The following ADCY2 variants were observed in gnomAD, a reference collection of about 807,000 sequenced individuals.
The protein encoded by ADCY2 is adenylate cyclase type 2.
A neutral mutation model predicts 125.2 loss-of-function variants in ADCY2; 31 were observed. The ratio of observed to expected loss-of-function variants is 0.25; its 90% CI spans 0.19 to 0.33. ADCY2 has a LOEUF of 0.33. Among genes scored for constraint, ADCY2 ranks in the 10% least tolerant of loss-of-function variants. ADCY2 has a pLI of 1.00. For missense variants in ADCY2, 904 were observed against 1,418.2 expected (o/e 0.64, Z 5.82); for synonymous variants, 512 against 548.4 (o/e 0.93, Z 0.93).
intron 3 of ADCY2, among the ~76,000 whole-genome samples, chr5:7,619,488 T>G (rs1737880561): frequency 6.6e-6 from 1 of 152,206 alleles, no homozygotes; most frequent in African/African-American, 2.4e-5. Context: ...CATAAAGGAC[T>G]AAAAAATCTC....
intron 17 of ADCY2, among the ~76,000 whole-genome samples, chr5:7,771,319 G>C (rs1743551645): frequency 6.6e-6 from 1 of 152,136 alleles, no homozygotes; most frequent in Non-Finnish European, 1.5e-5. Context: ...TCGTGGGAAG[G>C]CATGAGAGGC....
chr5:7,433,402 A>C (rs1740677902), intron 2 of ADCY2, among the ~76,000 whole-genome samples: 1 of 152,146 alleles, frequency 6.6e-6, no homozygotes, highest in Admixed American at 6.5e-5. Context: ...ACTTAAAAAA[A>C]CCATACATGG....
At position 7,812,455 on chromosome 5, in the gene ADCY2, T is replaced by C. The variant is rs1579466355; in HGVS notation, c.2884-4411T>C. Among the ~76,000 whole-genome samples, 2 of 152,274 alleles carry C rather than the reference T, an allele frequency of 1.3e-5. 1 individual carries two copies. Among genetic ancestry groups the C allele is most frequent in the Non-Finnish European group, 2.9e-5 (2 of 68,014 alleles). On this transcript the variant is annotated intron_variant, in intron 22 of 24. Transcript: ENST00000338316. ...GAGGGAAAAGTACCACACTTAGCCA[T>C]AAAACAATACTAGTATCTTCCTCCT...
intron 2 of ADCY2, among the ~76,000 whole-genome samples, chr5:7,451,858 C>T (rs929139687): frequency 6.6e-6 from 1 of 151,980 alleles, no homozygotes; most frequent in Non-Finnish European, 1.5e-5. Context: ...GATTTTAATG[C>T]ACCCATCACA....
intron 3 of ADCY2, among the ~76,000 whole-genome samples, chr5:7,608,308 G>A (rs1579231384): frequency 1.3e-5 from 2 of 152,184 alleles, no homozygotes; most frequent in Admixed American, 1.3e-4. Context: ...CAGGCTGGGT[G>A]TGGTGGCTCA....
At chr5:7,672,102 G>A (rs548646069) in intron 4 of ADCY2, among the ~76,000 whole-genome samples, 1 of 152,288 alleles carries the variant, frequency 6.6e-6, no homozygotes, top group South Asian at 2.1e-4. Flanking sequence ...GACACAAGGA[G>A]GTGGTGGGGT....
chr5:7,655,371 A>T (rs952975226), intron 4 of ADCY2, among the ~76,000 whole-genome samples: 1 of 152,178 alleles, frequency 6.6e-6, no homozygotes, highest in Admixed American at 6.5e-5. Context: ...AAGTGCCAAG[A>T]CCTGCCTTCT....
chr5:7,700,683 A>G lies in ADCY2; in HGVS notation c.1109+2309A>G, dbSNP rs1362478881. ...TGACTTCCCCAGCATGGTCCTGGGA[A>G]GATTAATGCCCCCACCCCCCACCCC... On this transcript the variant is annotated intron_variant, in intron 7 of 24. Transcript: ENST00000338316. 3.7e-5 allele frequency among the ~76,000 whole-genome samples: 5 copies of G among 134,712 alleles called. No individual in the cohort carries two copies. The East Asian group carries it at 1.2e-3, about 33-fold the overall frequency. 88.4% of individuals were successfully genotyped at this position (134,712 alleles called of 152,430 possible).
intron 3 of ADCY2, among the ~76,000 whole-genome samples, chr5:7,531,102 C>T (rs942505205): frequency 6.6e-5 from 10 of 152,130 alleles, no homozygotes; most frequent in Admixed American, 1.3e-4. Flanking sequence ...GGAATAGCAG[C>T]CTTTGAAAAC....
At chr5:7,620,650 T>C (rs1237655177) in intron 3 of ADCY2, among the ~76,000 whole-genome samples, 2 of 152,214 alleles carry the variant, frequency 1.3e-5, no homozygotes, top group Non-Finnish European at 2.9e-5. Context: ...TAAGGAAAAC[T>C]GTACCTGATT....
intron 3 of ADCY2, among the ~76,000 whole-genome samples, chr5:7,545,921 G>A (rs746938304): frequency 2.0e-5 from 3 of 152,146 alleles, no homozygotes; most frequent in Non-Finnish European, 4.4e-5. Flanking sequence ...CGCTGGGTGT[G>A]TGCAGACGGG....
At chr5:7,728,268 T>G (rs576628009) in intron 14 of ADCY2, among the ~76,000 whole-genome samples, 2 of 152,308 alleles carry the variant, frequency 1.3e-5, no homozygotes, top group Admixed American at 1.3e-4. Flanking sequence ...CCTCTGTACT[T>G]CAAAGGATTT....
intron 2 of ADCY2, among the ~76,000 whole-genome samples, chr5:7,475,809 C>T (rs1177205822): frequency 6.6e-6 from 1 of 152,172 alleles, no homozygotes; most frequent in Non-Finnish European, 1.5e-5. Context: ...AATGAGGAGA[C>T]TGTGGCGGGA....
chr5:7,504,653 C>A (rs1170701247), intron 2 of ADCY2, among the ~76,000 whole-genome samples: 1 of 140,772 alleles, frequency 7.1e-6, no homozygotes, highest in Non-Finnish European at 1.5e-5. Context: ...TGCTCTGTTG[C>A]CTGGGCTGGA....
At chr5:7,611,568 T>C (rs1045378731) in intron 3 of ADCY2, among the ~76,000 whole-genome samples, 3 of 152,182 alleles carry the variant, frequency 2.0e-5, no homozygotes, top group African/African-American at 7.2e-5. Context: ...TCTAGTAGGC[T>C]TGGATGGATT....
At chr5:7,499,300 C>T (rs1743460822) in intron 2 of ADCY2, among the ~76,000 whole-genome samples, 1 of 152,124 alleles carries the variant, frequency 6.6e-6, no homozygotes, top group African/African-American at 2.4e-5. Flanking sequence ...GCCACTGTGC[C>T]TGGCCGAGTG....
At chr5:7,457,052 G>A (rs1741698576) in intron 2 of ADCY2, among the ~76,000 whole-genome samples, 1 of 152,188 alleles carries the variant, frequency 6.6e-6, no homozygotes, top group African/African-American at 2.4e-5. Context: ...AGAAACTTAA[G>A]AGGAGGTCCC....
At chr5:7,727,708 C>G (rs561015879) in intron 14 of ADCY2, among the ~76,000 whole-genome samples, 1 of 152,000 alleles carries the variant, frequency 6.6e-6, no homozygotes, top group Non-Finnish European at 1.5e-5. Flanking sequence ...GTGTGTTACA[C>G]GGCCCTCTCT....
At chr5:7,780,192 T>C (rs750368568) in intron 18 of ADCY2, among the ~76,000 whole-genome samples, 1 of 152,248 alleles carries the variant, frequency 6.6e-6, no homozygotes, top group Non-Finnish European at 1.5e-5. Flanking sequence ...TTTTGCCTTA[T>C]GCATCTTAAC....
Sources: allele counts gnomAD v4.1 joint callset (sites outside exome capture counted in the v4.1 genomes callset), GRCh38; gene constraint gnomAD v4.1.1; transcripts MANE v1.5; gene names NCBI Gene and HGNC (gene_info 2026-07-23, HGNC 2026-07-21).